DLGAP1: variants seen among roughly 807,000 people sequenced by gnomAD.
The protein encoded by DLGAP1 is disks large-associated protein 1.
In DLGAP1, 11 loss-of-function variants were observed where a neutral mutation model predicts 90.8. The observed-to-expected ratio is 0.12, with a 90% confidence interval of 0.08 to 0.20. The LOEUF (loss-of-function observed/expected upper bound fraction) is 0.20, where lower values mean the gene tolerates loss of function less well. Among genes scored for constraint, DLGAP1 ranks in the 10% least tolerant of loss-of-function variants. DLGAP1 has a pLI of 1.00. For synonymous variants in DLGAP1, 558 were observed against 540.7 expected, an observed-to-expected ratio of 1.03 and a Z score of -0.44; for missense variants, 1,050 against 1,333.8, an observed-to-expected ratio of 0.79 and a Z score of 3.31.
chr18:4,359,019 A>C (rs2144078527), intron 1 of DLGAP1, among the ~76,000 whole-genome samples: 2 of 152,354 alleles, frequency 1.3e-5, no homozygotes, highest in South Asian at 4.1e-4. Flanking sequence ...CTTCCCTCTC[A>C]AACTCCTAAA....
chr18:3,693,514 T>G (rs974636963), intron 7 of DLGAP1, among the ~76,000 whole-genome samples: 3 of 152,254 alleles, frequency 2.0e-5, no homozygotes, highest in Non-Finnish European at 2.9e-5. Flanking sequence ...AAACGGATAT[T>G]AATGTGAAGG....
intron 1 of DLGAP1, among the ~76,000 whole-genome samples, chr18:4,354,887 CAAAAAAAAAAAA>C (rs60379984): frequency 2.2e-3 from 53 of 23,868 alleles, no homozygotes; most frequent in African/African-American, 5.0e-3. Context: ...TTACTCTCAC[CAAAAAAAAAAAA>C]AAAAAAAAAA....
chr18:4,262,941 AT>A (rs896549066), intron 1 of DLGAP1, among the ~76,000 whole-genome samples: 57 of 149,624 alleles, frequency 3.8e-4, no homozygotes, highest in South Asian at 3.6e-3. Context: ...TTATTTTATT[AT>A]TTTTTTTTTG....
At chr18:4,285,383 C>A (rs1353363088) in intron 1 of DLGAP1, among the ~76,000 whole-genome samples, 1 of 151,682 alleles carries the variant, frequency 6.6e-6, no homozygotes, top group Non-Finnish European at 1.5e-5. Context: ...AGAAGAGGGG[C>A]AGAAAATGGA....
intron 1 of DLGAP1, among the ~76,000 whole-genome samples, chr18:4,164,616 G>A (rs937264951): frequency 6.6e-6 from 1 of 152,088 alleles, no homozygotes; most frequent in Admixed American, 6.6e-5. Flanking sequence ...GGAGGCGAAG[G>A]TTGCAGTGAG....
rs563646856 is a variant in DLGAP1 at position 3,688,007 on chromosome 18, A to G, written c.1591+41128T>C. On this transcript the variant is annotated intron_variant, in intron 7 of 12. Transcript: ENST00000315677. ...CTGCAACCTCTGCCTTCCAGGTTCA[A>G]CTGATTCTCCTGCCTCAGCCTCCCG... Among the ~76,000 whole-genome samples the G allele has an allele frequency of 8.6e-5, 13 of 151,656 alleles. 1 individual carries two copies. The East Asian group carries it at 2.5e-3, about 30-fold the overall frequency.
intron 1 of DLGAP1, among the ~76,000 whole-genome samples, chr18:4,239,583 C>T (rs1445989422): frequency 1.3e-5 from 2 of 152,068 alleles, no homozygotes; most frequent in Non-Finnish European, 2.9e-5. Flanking sequence ...AAAAAATAGT[C>T]TCACATTATA....
chr18:3,583,143 GACCT>G (rs764967145), intron 7 of DLGAP1, among the ~76,000 whole-genome samples: 7,216 of 113,522 alleles, frequency 0.064, 321 homozygotes, highest in East Asian at 0.2. Context: ...CTGACTGACC[GACCT>G]ACCTACCTAC....
intron 2 of DLGAP1, among the ~76,000 whole-genome samples, chr18:4,016,090 C>T (rs1320606294): frequency 6.6e-6 from 1 of 152,194 alleles, no homozygotes; most frequent in African/African-American, 2.4e-5. Context: ...TATCTAACTA[C>T]AGTTCAAGCC....
intron 5 of DLGAP1, among the ~76,000 whole-genome samples, chr18:3,762,143 AG>A (rs745888708): frequency 3.0e-4 from 45 of 152,344 alleles, no homozygotes; most frequent in Non-Finnish European, 4.9e-4. Context: ...TACTTCTATT[AG>A]TTGGTGAAAA....
chr18:3,977,945 C>T (rs2073633062), intron 3 of DLGAP1: 2 of 354,706 alleles, frequency 5.6e-6, no homozygotes, highest in South Asian at 4.5e-5. Context: ...GAAGGCCATG[C>T]CAGTAAGCTT....
intron 7 of DLGAP1, among the ~76,000 whole-genome samples, chr18:3,612,362 G>C (rs927058185): frequency 6.6e-6 from 1 of 152,184 alleles, no homozygotes; most frequent in Non-Finnish European, 1.5e-5. Flanking sequence ...CAATATATGG[G>C]AAATGCTCAG....
intron 7 of DLGAP1, among the ~76,000 whole-genome samples, chr18:3,718,862 G>C (rs2061858084): frequency 1.3e-5 from 2 of 150,916 alleles, no homozygotes; most frequent in Non-Finnish European, 1.5e-5. Context: ...GGAGGTGGAG[G>C]TTGCAGTGAG....
At chr18:3,600,653 T>G (rs1359002024) in intron 7 of DLGAP1, among the ~76,000 whole-genome samples, 1 of 148,384 alleles carries the variant, frequency 6.7e-6, no homozygotes, top group Admixed American at 6.9e-5. Flanking sequence ...AATGGAGATA[T>G]AGATATCTAT....
At chr18:3,669,434 A>G (rs373141695) in intron 7 of DLGAP1, among the ~76,000 whole-genome samples, 10 of 152,262 alleles carry the variant, frequency 6.6e-5, no homozygotes, top group African/African-American at 1.9e-4. Flanking sequence ...CTGGGCCTAT[A>G]AAAATTCGAG....
chr18:3,552,684 G>T (rs925651581), intron 9 of DLGAP1, among the ~76,000 whole-genome samples: 1 of 152,174 alleles, frequency 6.6e-6, no homozygotes, highest in Non-Finnish European at 1.5e-5. Flanking sequence ...CCAGGCCAGA[G>T]ACCCTTAGTT....
intron 2 of DLGAP1, among the ~76,000 whole-genome samples, chr18:4,045,472 C>A (rs967289965): frequency 2.6e-4 from 26 of 98,986 alleles, no homozygotes; most frequent in African/African-American, 1.0e-3. Context: ...AAAAGCTTGC[C>A]CCTGTAGTCC....
In DLGAP1 at chr18:4,071,710, G is replaced by C. The variant is rs148825754; in HGVS notation, c.-158-66509C>G. Reference sequence around the variant, plus strand: ...AAAGTTTGTCTCTGACATTGTAATAGGTCCAAAAGGATGGGTCTGGTTGTC... The same window carrying C: ...AAAGTTTGTCTCTGACATTGTAATACGTCCAAAAGGATGGGTCTGGTTGTC... On this transcript the variant is annotated intron_variant, in intron 2 of 12. Transcript: ENST00000315677. 2.6e-5 allele frequency among the ~76,000 whole-genome samples: 4 copies of C among 152,316 alleles called. No homozygotes were observed. The East Asian group carries it at 7.7e-4, about 29-fold the overall frequency.
intron 7 of DLGAP1, among the ~76,000 whole-genome samples, chr18:3,629,747 A>G (rs1040656676): frequency 6.6e-6 from 1 of 152,122 alleles, no homozygotes; most frequent in African/African-American, 2.4e-5. Flanking sequence ...GTAGGTGTGT[A>G]TTGGTATCTC....
Sources: allele counts gnomAD v4.1 joint callset (sites outside exome capture counted in the v4.1 genomes callset), GRCh38; gene constraint gnomAD v4.1.1; transcripts MANE v1.5; gene names NCBI Gene and HGNC (gene_info 2026-07-23, HGNC 2026-07-21).